Variants in NUP210L observed in about 807,000 individuals in gnomAD.
NUP210L encodes the protein nucleoporin 210 like.
NUP210L carries 74 observed loss-of-function variants against 208.5 expected under a neutral mutation model. That is an observed-to-expected ratio of 0.35 (90% CI 0.29 to 0.43). The LOEUF is 0.43. NUP210L is among the 20% of genes least tolerant of loss of function. The pLI is 1.00. For missense variants in NUP210L, 1,843 were observed against 2,289.4 expected, an observed-to-expected ratio of 0.81 and a Z score of 3.98; for synonymous variants, 780 against 816.9, an observed-to-expected ratio of 0.95 and a Z score of 0.77.
At chr1:154,097,950 C>T (rs535639593) in intron 14 of NUP210L, among the ~76,000 whole-genome samples, 7 of 152,334 alleles carry the variant, frequency 4.6e-5, no homozygotes, top group Admixed American at 6.5e-5. Flanking sequence ...GGGCTCATTC[C>T]ATCCACTCGG....
chr1:154,064,643 G>A (rs977669673), intron 17 of NUP210L, among the ~76,000 whole-genome samples: 1 of 152,180 alleles, frequency 6.6e-6, no homozygotes, highest in African/African-American at 2.4e-5. Context: ...TAGACTATAA[G>A]TATATGAGGG....
chr1:154,017,519 C>CTTTTTTTTTT (rs553512184), intron 33 of NUP210L, among the ~76,000 whole-genome samples: 1 of 127,982 alleles, frequency 7.8e-6, no homozygotes, highest in Non-Finnish European at 1.6e-5. Context: ...TTCTTTCTTT[C>CTTTTTTTTTT]TTTTTTTTTT....
At chr1:154,056,673 A>G in intron 23 of NUP210L, 142 bp downstream of exon 23, 1 of 732,188 alleles carries the variant, frequency 1.4e-6, no homozygotes, top group Non-Finnish European at 2.1e-6. Flanking sequence ...TTCCCACCTC[A>G]GCCTCCCAAA....
At chr1:154,041,747 A>G (rs2147963435) in intron 27 of NUP210L, among the ~76,000 whole-genome samples, 1 of 152,248 alleles carries the variant, frequency 6.6e-6, no homozygotes, top group Non-Finnish European at 1.5e-5. Context: ...TTAGAACTTG[A>G]TAGACTTCTG....
chr1:154,080,671 C>T (rs903431254), intron 16 of NUP210L, among the ~76,000 whole-genome samples: 3 of 151,062 alleles, frequency 2.0e-5, no homozygotes, highest in Non-Finnish European at 4.4e-5. Context: ...AGCGACAGAG[C>T]GAGACCATCT....
intron 6 of NUP210L, 47 bp downstream of exon 6, chr1:154,138,059 A>G: frequency 7.2e-7 from 1 of 1,395,736 alleles, no homozygotes; most frequent in Non-Finnish European, 9.4e-7. Flanking sequence ...GTCAGCAGAA[A>G]AGATTTGGGA....
exon 31 of NUP210L, chr1:154,023,193 A>C (rs752543400): frequency 6.2e-7 from 1 of 1,614,076 alleles, no homozygotes; most frequent in East Asian, 2.2e-5. Flanking sequence ...AAAACTGAAC[A>C]GTGAAGGTAA....
chr1:154,056,421 ATT>A (rs565199466), intron 23 of NUP210L, among the ~76,000 whole-genome samples: 2 of 151,438 alleles, frequency 1.3e-5, no homozygotes, highest in South Asian at 4.2e-4. Context: ...CAGTCAAATG[ATT>A]TTTTTTCTTG....
chr1:154,114,721 A>G (rs1657224405), intron 12 of NUP210L, among the ~76,000 whole-genome samples: 1 of 149,776 alleles, frequency 6.7e-6, no homozygotes, highest in South Asian at 2.2e-4. Context: ...CTCCTGCCTC[A>G]GTAGCTAGGA....
At position 154,049,790 on chromosome 1, in the gene NUP210L, T is replaced by C. The variant is rs1454862447; in HGVS notation, c.3484-3421A>G. 3.9e-5 allele frequency among the ~76,000 whole-genome samples: 6 copies of C among 152,298 alleles called. No homozygotes were observed. In the South Asian group the frequency reaches 1.2e-3, roughly 32 times the overall value. On this transcript the variant is annotated intron_variant, in intron 25 of 39. Transcript: ENST00000368559. ...TCCAAAAAACTGGCCTTTAATGTCA[T>C]AGATTTAAAAGACTGTTTCTTTACT...
intron 11 of NUP210L, among the ~76,000 whole-genome samples, 179 bp from the exon 12 acceptor site, chr1:154,118,059 C>T (rs565186525): frequency 6.6e-6 from 1 of 152,310 alleles, no homozygotes; most frequent in South Asian, 2.1e-4. Flanking sequence ...CCTGTAATCC[C>T]AGCACTTTGG....
intron 25 of NUP210L, among the ~76,000 whole-genome samples, chr1:154,047,705 A>G (rs1447949235): frequency 6.6e-6 from 1 of 152,216 alleles, no homozygotes; most frequent in African/African-American, 2.4e-5. Flanking sequence ...GTCAATAAAT[A>G]TGTGGGTAAA....
intron 17 of NUP210L, among the ~76,000 whole-genome samples, chr1:154,063,361 T>C (rs1272839531): frequency 1.3e-5 from 2 of 152,208 alleles, no homozygotes; most frequent in Non-Finnish European, 2.9e-5. Context: ...GAAAGAAGAA[T>C]GACAAGCTTT....
intron 12 of NUP210L, among the ~76,000 whole-genome samples, chr1:154,107,757 T>C (rs1656843743): frequency 6.6e-6 from 1 of 151,992 alleles, no homozygotes; most frequent in Non-Finnish European, 1.5e-5. Flanking sequence ...TCCCAGCTAC[T>C]TGGGAGGCTG....
At chr1:154,025,698 C>G in exon 30 of NUP210L, 1 of 1,612,826 alleles carries the variant, frequency 6.2e-7, no homozygotes, top group Non-Finnish European at 8.5e-7. Flanking sequence ...CACGAGAACT[C>G]ACGAAGGCAG....
chr1:154,130,104 C>T (rs1376009572), intron 7 of NUP210L, among the ~76,000 whole-genome samples: 2 of 151,974 alleles, frequency 1.3e-5, no homozygotes, highest in East Asian at 2.0e-4. Flanking sequence ...TTTGGGAGGC[C>T]GAGGTGGGTG....
chr1:154,118,768 T>G (rs201541774), exon 11 of NUP210L: 2 of 1,594,406 alleles, frequency 1.3e-6, no homozygotes, highest in Non-Finnish European at 1.7e-6. Context: ...CACTTCTTGT[T>G]GGTGTTTGAT....
exon 1 of NUP210L, chr1:154,154,904 G>A: frequency 1.2e-6 from 2 of 1,614,224 alleles, no homozygotes; most frequent in Non-Finnish European, 1.7e-6. Flanking sequence ...CTCGGCCGAA[G>A]GGTAGCAACA....
Position 154,100,138 on chromosome 1 carries a change from G to A in NUP210L, c.1825C>T (p.Gln609Ter). The change falls in exon 14 of 40, where the codon CAA becomes TAA. Residue 609 changes from glutamine (Q) to a stop codon, truncating the protein, a stop_gained. Transcript: ENST00000368559. LOFTEE classifies it high-confidence loss of function. The stretch of plus-strand genomic sequence containing the variant: ...GAACAATGCATTGGTCCAGGTCTTT[G>A]AATACCTGTGAATCAAAAACCATGA... 2 of 1,613,894 alleles carry A rather than the reference G, an allele frequency of 1.2e-6. No individual in the cohort carries two copies. Among genetic ancestry groups the A allele is most frequent in the Non-Finnish European group, 1.7e-6 (2 of 1,179,884 alleles).
Sources: allele counts gnomAD v4.1 joint callset (sites outside exome capture counted in the v4.1 genomes callset), GRCh38; gene constraint gnomAD v4.1.1; transcripts MANE v1.5; gene names NCBI Gene and HGNC (gene_info 2026-07-23, HGNC 2026-07-21).